Variants in CLASRP observed in about 807,000 individuals in gnomAD.
CLASRP encodes CLK4-associating serine/arginine rich protein.
Under a neutral mutation model 99.9 loss-of-function variants are expected in CLASRP, and 52 were observed. The ratio of observed to expected loss-of-function variants is 0.52; its 90% CI spans 0.42 to 0.66. The LOEUF is 0.66. Ranked by LOEUF, CLASRP falls within the 30% of genes least tolerant of loss-of-function variation. The pLI is 0.00. For missense variants in CLASRP, 848 were observed against 999.2 expected (o/e 0.85, Z 2.04); for synonymous variants, 379 against 373.0 (o/e 1.02, Z -0.18).
chr19:45,051,169 A>G (rs1326508705), intron 2 of CLASRP, among the ~76,000 whole-genome samples: 1 of 152,068 alleles, frequency 6.6e-6, no homozygotes, highest in Non-Finnish European at 1.5e-5. Flanking sequence ...TGAAGTGTCC[A>G]CACCAGTCTC....
At chr19:45,053,468 G>A (rs1399002254) in intron 5 of CLASRP, among the ~76,000 whole-genome samples, 1 of 152,022 alleles carries the variant, frequency 6.6e-6, no homozygotes, top group East Asian at 1.9e-4. Flanking sequence ...GCAAGAATAT[G>A]TTTTTATTTT....
chr19:45,064,530 AGCCGTG>A lies in CLASRP; in HGVS notation c.1314_1319del (p.Gly439_Arg440del), dbSNP rs1403078800. ...CTCCCGGCGCTATTCCCGGTCCCGT[AGCCGTG>A]GCCGGCGGCACTCAGGTGGGGGCTC... On this transcript the variant is annotated inframe_deletion, in exon 13 of 21. Coordinates refer to ENST00000221455, the MANE Select transcript of CLASRP (RefSeq NM_007056.3). 2 of 1,537,744 alleles carry A rather than the reference AGCCGTG, an allele frequency of 1.3e-6. No homozygotes were observed. The highest frequency in any genetic ancestry group is 2.4e-5 in the South Asian group (2 of 83,952).
chr19:45,070,879 TG>T lies in CLASRP; in HGVS notation c.*37del. On this transcript the variant is annotated 3_prime_UTR_variant, in exon 21 of 21. Transcript: ENST00000221455. The stretch of plus-strand genomic sequence containing the variant: ...GTGGGGGGTGGGGAGGACAAGGGGG[TG>T]GGTAAGGGGCTCAAGCTGTGATGCT... The T allele has an allele frequency of 1.3e-6, 1 of 777,110 alleles. No individual in the cohort carries two copies. Among genetic ancestry groups the T allele is most frequent in the Non-Finnish European group, 2.1e-6 (1 of 476,068 alleles). The allele number at this position is 777,110 out of a possible 1,614,324, so 48.1% of individuals were successfully genotyped here. A position where few individuals can be genotyped will look rare whatever the true frequency, so the allele number is the denominator to read the frequency against.
chr19:45,068,740 T>A (rs552998299), intron 16 of CLASRP, among the ~76,000 whole-genome samples: 177 of 151,542 alleles, frequency 1.2e-3, no homozygotes, highest in African/African-American at 4.1e-3. Context: ...GGCTCACACC[T>A]GTAATCCCAG....
intron 5 of CLASRP, among the ~76,000 whole-genome samples, chr19:45,056,219 G>A (rs1344414337): frequency 6.6e-6 from 1 of 152,182 alleles, no homozygotes; most frequent in Non-Finnish European, 1.5e-5. Flanking sequence ...TACGGAAAAG[G>A]AAACTGAGGC....
At chr19:45,068,533 G>C in intron 16 of CLASRP, 53 bp downstream of exon 16, 6 of 1,347,142 alleles carry the variant, frequency 4.5e-6, no homozygotes, top group Non-Finnish European at 6.4e-6. Flanking sequence ...TCCCTTGGCA[G>C]TGGGAGCAAG....
intron 2 of CLASRP, among the ~76,000 whole-genome samples, chr19:45,043,336 C>T (rs1286584387): frequency 2.2e-5 from 3 of 135,024 alleles, no homozygotes; most frequent in Non-Finnish European, 4.6e-5. Context: ...GGCATGAACC[C>T]GGGAGACAGA....
chr19:45,041,281 A>C (rs1020472979), intron 2 of CLASRP, among the ~76,000 whole-genome samples: 10 of 151,990 alleles, frequency 6.6e-5, no homozygotes, highest in Admixed American at 6.6e-4. Flanking sequence ...TATTAAGTGA[A>C]ACCTGACCAC....
intron 2 of CLASRP, among the ~76,000 whole-genome samples, chr19:45,043,782 G>A (rs1234484204): frequency 6.6e-6 from 1 of 152,180 alleles, no homozygotes; most frequent in Non-Finnish European, 1.5e-5. Context: ...ATCTCCGATA[G>A]TGTCAGAAAG....
At chr19:45,064,772 C>T in intron 13 of CLASRP, 142 bp downstream of exon 13, 2 of 1,409,290 alleles carry the variant, frequency 1.4e-6, no homozygotes, top group Non-Finnish European at 1.9e-6. Flanking sequence ...GGCCACTGCT[C>T]TTCCGCAGGA....
rs576895466 is a variant in CLASRP at position 45,045,387 on chromosome 19, T to C, written c.99+5076T>C. Among the ~76,000 whole-genome samples the C allele has an allele frequency of 1.5e-3, 234 of 152,172 alleles. 2 individuals carry two copies. The highest frequency in any genetic ancestry group is 4.9e-3 in the African/African-American group (203 of 41,512). On this transcript the variant is annotated intron_variant, in intron 2 of 20. Coordinates refer to ENST00000221455, the MANE Select transcript of CLASRP (RefSeq NM_007056.3). ...CAAAAATTAGCCGGGCATGATGGCG[T>C]GCATCTGTGGTCCCAGCTCCTCAAG...
In CLASRP at chr19:45,040,263, C is replaced by T. The variant is rs757003701; in HGVS notation, c.51C>T (p.Val17=). 5.6e-5 allele frequency: 91 copies of T among 1,612,176 alleles called. No individual in the cohort carries two copies. The highest frequency in any genetic ancestry group is 7.1e-5 in the Non-Finnish European group (84 of 1,179,524). Residue 17 remains valine, a synonymous_variant, in exon 2 of 21, where the codon GTC becomes GTT. Transcript: ENST00000221455. ...KHERKLRGMM[V]DYKKRAERRR... is the part of the protein sequence containing the mutation. Reference sequence around the variant, plus strand: ...AGCGGAAGCTTCGAGGCATGATGGTCGACTACAAGAAGAGGGCGGAGCGGA... The same window carrying T: ...AGCGGAAGCTTCGAGGCATGATGGTTGACTACAAGAAGAGGGCGGAGCGGA...
At chr19:45,057,519 C>G (rs1406835855) in intron 6 of CLASRP, among the ~76,000 whole-genome samples, 2 of 152,158 alleles carry the variant, frequency 1.3e-5, no homozygotes, top group African/African-American at 4.8e-5. Flanking sequence ...GAGCTCAGGA[C>G]AGTGCTGACC....
At chr19:45,062,257 G>A in intron 11 of CLASRP, 62 bp downstream of exon 11, 1 of 941,050 alleles carries the variant, frequency 1.1e-6, no homozygotes. Context: ...GGACAGGGGT[G>A]CTGAGGAGGG....
At chr19:45,049,792 G>C (rs981160451) in intron 2 of CLASRP, among the ~76,000 whole-genome samples, 2 of 152,198 alleles carry the variant, frequency 1.3e-5, no homozygotes, top group Non-Finnish European at 2.9e-5. Context: ...GGATATAGCA[G>C]CCAAAACAGA....
At chr19:45,044,599 G>A (rs1053089921) in intron 2 of CLASRP, among the ~76,000 whole-genome samples, 2 of 152,028 alleles carry the variant, frequency 1.3e-5, no homozygotes, top group African/African-American at 4.8e-5. Flanking sequence ...CCCCATCTCT[G>A]CAAAAAATAA....
In CLASRP at chr19:45,067,437, C is replaced by T. The variant is rs755157384; in HGVS notation, c.1510C>T (p.Arg504Cys). 2.3e-5 allele frequency: 36 copies of T among 1,536,648 alleles called. No individual in the cohort carries two copies. The highest frequency in any genetic ancestry group is 2.3e-4 in the African/African-American group (17 of 72,764). The part of the protein sequence containing the change: ...SRSSWSLSPS[R>C]SRSLTRSRSH... ...CAGCAGCTGGTCCCTCAGCCCGTCC[C>T]GCAGTCGCAGCCTGACTCGCAGCCG... is the stretch of plus-strand genomic sequence containing the variant. Residue 504 changes from arginine (R) to cysteine (C), a missense_variant, in exon 14 of 21, where the codon CGC (arginine) becomes TGC (cysteine). Arg to Cys is a radical substitution (Grantham distance 180, BLOSUM62 -3). This residue lies in a region of CLASRP where 489 missense variants were observed against 434.7 expected (regional missense o/e 1.12). Transcript: ENST00000221455. This position sits in a 1 kb window ranked among gnomAD's most constrained non-coding sequence, Gnocchi z 4.9.
chr19:45,058,628 A>G (rs1488264329), intron 7 of CLASRP, among the ~76,000 whole-genome samples: 4 of 152,108 alleles, frequency 2.6e-5, no homozygotes, highest in African/African-American at 7.2e-5. Context: ...CTCGTGATCC[A>G]CTTGCCTCGG....
chr19:45,044,873 C>T (rs1600094307), intron 2 of CLASRP, among the ~76,000 whole-genome samples: 1 of 152,138 alleles, frequency 6.6e-6, no homozygotes, highest in African/African-American at 2.4e-5. Context: ...CAAATTCTAG[C>T]GATCCCACTT....
Sources: allele counts gnomAD v4.1 joint callset (sites outside exome capture counted in the v4.1 genomes callset), GRCh38; gene constraint gnomAD v4.1.1; regional missense constraint gnomAD v4.1.1; non-coding constraint Gnocchi (gnomAD v3.1); transcripts MANE v1.5; gene names NCBI Gene and HGNC (gene_info 2026-07-23, HGNC 2026-07-21).